The following TENM1 variants were observed in gnomAD, a reference collection of about 807,000 sequenced individuals.
The protein encoded by TENM1 is teneurin transmembrane protein 1, also known as teneurin-1.
Under a neutral mutation model 174.8 loss-of-function variants are expected in TENM1, and 35 were observed. That is an observed-to-expected ratio of 0.20 (90% CI 0.15 to 0.27). The LOEUF is 0.27. Among genes scored for constraint, TENM1 ranks in the 10% least tolerant of loss-of-function variants. TENM1 has a pLI of 1.00. For synonymous variants in TENM1, 781 were observed against 798.7 expected, an observed-to-expected ratio of 0.98 and a Z score of 0.37; for missense variants, 1,633 against 2,130.1, an observed-to-expected ratio of 0.77 and a Z score of 4.59.
chrX:124,957,471 C>A (rs898614760), intron 1 of TENM1, among the ~76,000 whole-genome samples: 1 of 108,152 alleles, frequency 9.2e-6, no homozygotes, highest in Non-Finnish European at 1.9e-5. Flanking sequence ...GTAATCTCAG[C>A]TACTCAGGAG....
intron 3 of TENM1, among the ~76,000 whole-genome samples, chrX:124,868,052 C>G (rs1032498779): frequency 8.9e-6 from 1 of 111,742 alleles, no homozygotes; most frequent in African/African-American, 3.3e-5. Context: ...AATGACCATA[C>G]TATCCAAAGC....
At chrX:124,769,040 AAGT>A (rs756490641) in intron 3 of TENM1, among the ~76,000 whole-genome samples, 24 of 112,160 alleles carry the variant, frequency 2.1e-4, no homozygotes, top group African/African-American at 6.8e-4. Flanking sequence ...TAGGTTATTA[AAGT>A]GCTTTTAAAA....
intron 1 of TENM1, among the ~76,000 whole-genome samples, chrX:124,904,198 CAT>C (rs2057709827): frequency 9.0e-6 from 1 of 111,443 alleles, no homozygotes; most frequent in Non-Finnish European, 1.9e-5. Flanking sequence ...AATACATACT[CAT>C]AGAGGCAAGC....
intron 3 of TENM1, among the ~76,000 whole-genome samples, chrX:124,762,109 G>T (rs1229583669): frequency 8.9e-6 from 1 of 111,778 alleles, no homozygotes; most frequent in Admixed American, 9.5e-5. Flanking sequence ...TAAAAAGATA[G>T]CTGCTTCCTC....
Position 124,443,500 on chromosome X carries a change from T to C in TENM1, c.4104+9837A>G, listed in dbSNP as rs375591557. On this transcript the variant is annotated intron_variant, in intron 23 of 31. Transcript: ENST00000422452. ...TCTAGCTAGGAAGAATCACTCCTTATAGAGAACATGCAAATGGGGTTTAGA... is the reference window on the plus strand; with the variant it reads ...TCTAGCTAGGAAGAATCACTCCTTACAGAGAACATGCAAATGGGGTTTAGA... 3.7e-4 allele frequency among the ~76,000 whole-genome samples: 41 copies of C among 111,949 alleles called. 1 individual carries two copies. The highest frequency in any genetic ancestry group is 1.3e-3 in the African/African-American group (40 of 30,777).
intron 23 of TENM1, among the ~76,000 whole-genome samples, chrX:124,451,783 A>G (rs2061039125): frequency 8.9e-6 from 1 of 112,040 alleles, no homozygotes; most frequent in Admixed American, 9.4e-5. Context: ...AGGATTCCCT[A>G]TTTAATAAAT....
intron 25 of TENM1, among the ~76,000 whole-genome samples, chrX:124,413,537 A>G (rs1428176764): frequency 1.8e-5 from 2 of 112,030 alleles, no homozygotes; most frequent in Non-Finnish European, 3.8e-5. Flanking sequence ...TAGATGTGCT[A>G]TGGAGTTCAG....
At chrX:124,520,397 C>G in intron 18 of TENM1, 120 bp downstream of exon 21, 2 of 738,335 alleles carry the variant, frequency 2.7e-6, no homozygotes, top group South Asian at 3.3e-5. Flanking sequence ...ATTAAAAATG[C>G]CTTAGGTCCT....
At chrX:124,634,072 T>A (rs755433871) in intron 11 of TENM1, among the ~76,000 whole-genome samples, 197 of 111,872 alleles carry the variant, frequency 1.8e-3, no homozygotes, top group African/African-American at 5.9e-3. Flanking sequence ...AAGAATTATT[T>A]AAAAATAAAT....
At chrX:124,768,819 C>T (rs2054587728) in intron 3 of TENM1, among the ~76,000 whole-genome samples, 2 of 112,435 alleles carry the variant, frequency 1.8e-5, no homozygotes, top group African/African-American at 6.4e-5. Flanking sequence ...GGTGATTAAT[C>T]CATTCACATA....
intron 5 of TENM1, among the ~76,000 whole-genome samples, chrX:124,674,710 C>A (rs1245368925): frequency 3.6e-5 from 4 of 111,110 alleles, no homozygotes; most frequent in African/African-American, 1.3e-4. Flanking sequence ...GATTTCCTTG[C>A]CAATGGACTC....
intron 11 of TENM1, among the ~76,000 whole-genome samples, chrX:124,610,887 A>T (rs1489969821): frequency 9.0e-6 from 1 of 111,620 alleles, no homozygotes; most frequent in Non-Finnish European, 1.9e-5. Flanking sequence ...TATGCTTTAT[A>T]GAGTAGGAAA....
chrX:124,712,576 C>G (rs13440813), intron 4 of TENM1, among the ~76,000 whole-genome samples: 5,691 of 110,453 alleles, frequency 0.052, 251 homozygotes, highest in African/African-American at 0.14. Flanking sequence ...CTGCCTCCCA[C>G]GTTCAGGTGA....
At chrX:124,408,964 A>C (rs1189133615) in intron 25 of TENM1, among the ~76,000 whole-genome samples, 6 of 107,943 alleles carry the variant, frequency 5.6e-5, no homozygotes, top group Non-Finnish European at 1.1e-4. Flanking sequence ...ATGGTGGTTT[A>C]CAGCTTCATC....
intron 3 of TENM1, among the ~76,000 whole-genome samples, chrX:124,798,402 A>G (rs1378563619): frequency 2.7e-5 from 3 of 111,681 alleles, no homozygotes; most frequent in Non-Finnish European, 5.6e-5. Flanking sequence ...GTGAGATGGT[A>G]TCTCTTTGTG....
At chrX:124,455,727 C>T (rs1385106397) in intron 22 of TENM1, among the ~76,000 whole-genome samples, 2 of 110,975 alleles carry the variant, frequency 1.8e-5, no homozygotes, top group Non-Finnish European at 3.8e-5. Context: ...TCTGGTTACA[C>T]TGAAACTAAG....
At chrX:124,826,517 T>C (rs754683397) in intron 3 of TENM1, among the ~76,000 whole-genome samples, 1 of 111,596 alleles carries the variant, frequency 9.0e-6, no homozygotes, top group South Asian at 3.7e-4. Flanking sequence ...GTCATTAAAA[T>C]GATTTCCAAA....
intron 24 of TENM1, 113 bp from the exon 28 acceptor site, chrX:124,420,934 A>G: frequency 1.4e-6 from 1 of 712,193 alleles, no homozygotes; most frequent in Non-Finnish European, 2.1e-6. Flanking sequence ...CAATCAGTGA[A>G]CCAACATTCT....
chrX:124,937,237 T>A (rs190872110), intron 1 of TENM1, among the ~76,000 whole-genome samples: 179 of 111,811 alleles, frequency 1.6e-3, no homozygotes, highest in Non-Finnish European at 2.5e-3. Context: ...TTATCATAAA[T>A]GAATGGATTC....
Sources: gnomAD v4.1 joint callset for allele counts (sites outside exome capture counted in the v4.1 genomes callset) on GRCh38, gnomAD v4.1.1 for gene constraint, MANE v1.5 for transcripts, NCBI Gene and HGNC (gene_info 2026-07-23, HGNC 2026-07-21) for gene names.